CMSS1: variants seen among roughly 807,000 people sequenced by gnomAD.
The protein encoded by CMSS1 is protein CMSS1.
CMSS1 carries 33 observed loss-of-function variants against 43.5 expected under a neutral mutation model. The ratio of observed to expected loss-of-function variants is 0.76; its 90% CI spans 0.57 to 1.01. CMSS1 has a LOEUF of 1.01. Ranked by LOEUF, CMSS1 falls within the 50% of genes least tolerant of loss-of-function variation. The pLI is 0.00. For synonymous variants in CMSS1, 115 were observed against 117.2 expected, an observed-to-expected ratio of 0.98 and a Z score of 0.12; for missense variants, 313 against 326.4, an observed-to-expected ratio of 0.96 and a Z score of 0.32.
intron 1 of CMSS1, among the ~76,000 whole-genome samples, chr3:100,129,570 TA>T (rs2066690169): frequency 6.6e-6 from 1 of 152,214 alleles, no homozygotes; most frequent in Admixed American, 6.5e-5. Flanking sequence ...TACTGCTGAT[TA>T]AGTTTGGGCT....
chr3:100,030,277 G>A (rs550625303), intron 1 of CMSS1, among the ~76,000 whole-genome samples: 3 of 152,232 alleles, frequency 2.0e-5, no homozygotes, highest in African/African-American at 7.2e-5. Flanking sequence ...AGCTGGCTTG[G>A]ATGAGAAAGG....
intron 1 of CMSS1, among the ~76,000 whole-genome samples, chr3:99,970,293 A>T (rs1389253503): frequency 6.6e-6 from 1 of 152,246 alleles, no homozygotes; most frequent in Admixed American, 6.5e-5. Flanking sequence ...TAGAGGCTGC[A>T]ATCACTCTGA....
chr3:99,907,925 G>A lies in CMSS1; in HGVS notation c.64+89882G>A, dbSNP rs533415443. ...TGTGTGATCCAGTGCCTGGCACATG[G>A]AAGGAACTCAGTAAGCATTTTGAAA... On this transcript the variant is annotated intron_variant, in intron 1 of 9. Coordinates refer to ENST00000421999, the MANE Select transcript of CMSS1 (RefSeq NM_032359.4). Among the ~76,000 whole-genome samples, 16 of 152,312 alleles carry A rather than the reference G, an allele frequency of 1.1e-4. 1 individual carries two copies. The South Asian group carries it at 3.3e-3, about 32-fold the overall frequency.
chr3:99,913,649 G>A (rs926666574), intron 1 of CMSS1, among the ~76,000 whole-genome samples: 2 of 152,132 alleles, frequency 1.3e-5, no homozygotes, highest in Non-Finnish European at 2.9e-5. Flanking sequence ...ATATATGCTT[G>A]TAATAATCTT....
At chr3:100,094,343 A>G (rs2066163989) in intron 1 of CMSS1, among the ~76,000 whole-genome samples, 1 of 152,012 alleles carries the variant, frequency 6.6e-6, no homozygotes, top group South Asian at 2.1e-4. Context: ...CCTTTCTCAC[A>G]TATGTAGTTT....
At chr3:99,940,548 C>T (rs2107675706) in intron 1 of CMSS1, among the ~76,000 whole-genome samples, 1 of 152,328 alleles carries the variant, frequency 6.6e-6, no homozygotes, top group African/African-American at 2.4e-5. Context: ...ATGCCCTGAG[C>T]CAACACCAGA....
At chr3:99,920,853 CA>C (rs1707102995) in intron 1 of CMSS1, among the ~76,000 whole-genome samples, 1 of 152,226 alleles carries the variant, frequency 6.6e-6, no homozygotes, top group African/African-American at 2.4e-5. Context: ...TCTGAGGTCT[CA>C]TTAACTACCT....
chr3:99,882,719 G>T (rs1471667991), intron 1 of CMSS1, among the ~76,000 whole-genome samples: 1 of 152,102 alleles, frequency 6.6e-6, no homozygotes, highest in African/African-American at 2.4e-5. Flanking sequence ...TGAAAAAATG[G>T]CACAAACAGT....
chr3:99,917,386 C>T (rs1706986698), intron 1 of CMSS1, among the ~76,000 whole-genome samples: 2 of 152,198 alleles, frequency 1.3e-5, no homozygotes, highest in Non-Finnish European at 2.9e-5. Flanking sequence ...ACACCAGGCA[C>T]ATAGTTTGAG....
chr3:99,850,988 C>T (rs1363874010), intron 1 of CMSS1: 5 of 1,614,026 alleles, frequency 3.1e-6, no homozygotes, highest in Non-Finnish European at 4.2e-6. Flanking sequence ...GTCAGCTCCT[C>T]TTTCAGGGTG....
chr3:100,154,262 CAT>C (rs2107521545), intron 2 of CMSS1, among the ~76,000 whole-genome samples: 1 of 152,196 alleles, frequency 6.6e-6, no homozygotes, highest in South Asian at 2.1e-4. Flanking sequence ...TTAATTGACA[CAT>C]AATAATTCTA....
chr3:99,996,033 G>C (rs1215047654), intron 1 of CMSS1, among the ~76,000 whole-genome samples: 1 of 152,208 alleles, frequency 6.6e-6, no homozygotes, highest in Non-Finnish European at 1.5e-5. Context: ...CAGCTGGCTT[G>C]AATTCCGCCT....
chr3:99,983,066 A>G (rs1709175109), intron 1 of CMSS1, among the ~76,000 whole-genome samples: 2 of 152,164 alleles, frequency 1.3e-5, no homozygotes, highest in Admixed American at 1.3e-4. Flanking sequence ...GGAATAACAC[A>G]TGCAATGATG....
intron 1 of CMSS1, among the ~76,000 whole-genome samples, chr3:99,920,320 G>C (rs919016467): frequency 6.6e-6 from 1 of 152,062 alleles, no homozygotes; most frequent in African/African-American, 2.4e-5. Flanking sequence ...AAATATGCAA[G>C]CTTTTTTGAA....
At chr3:100,025,247 G>C (rs536340193) in intron 1 of CMSS1, among the ~76,000 whole-genome samples, 1 of 152,260 alleles carries the variant, frequency 6.6e-6, no homozygotes, top group South Asian at 2.1e-4. Context: ...ACTGTTTGTG[G>C]CTATTTTTGT....
chr3:100,163,538 T>C (rs1193122894), intron 4 of CMSS1, among the ~76,000 whole-genome samples: 1 of 152,128 alleles, frequency 6.6e-6, no homozygotes, highest in East Asian at 1.9e-4. Flanking sequence ...TTTAAAAATA[T>C]TTATTTATTT....
At chr3:100,167,970 T>A (rs2067078771) in intron 6 of CMSS1, 130 bp downstream of exon 6, 3 of 546,510 alleles carry the variant, frequency 5.5e-6, no homozygotes, top group Non-Finnish European at 9.7e-6. Flanking sequence ...GGAATTTATA[T>A]TTCAGTGGGG....
At chr3:100,053,066 G>T (rs1260151879) in intron 1 of CMSS1, among the ~76,000 whole-genome samples, 2 of 152,028 alleles carry the variant, frequency 1.3e-5, no homozygotes, top group Non-Finnish European at 2.9e-5. Context: ...CTGAAACAAG[G>T]GTGCTCCTTG....
At chr3:99,968,419 G>GT (rs1288354671) in intron 1 of CMSS1, among the ~76,000 whole-genome samples, 33 of 147,470 alleles carry the variant, frequency 2.2e-4, no homozygotes, top group South Asian at 6.4e-4. Context: ...GAAAAACTAT[G>GT]TTTTTGGGGG....
Sources: allele counts gnomAD v4.1 joint callset (sites outside exome capture counted in the v4.1 genomes callset), GRCh38; gene constraint gnomAD v4.1.1; transcripts MANE v1.5; gene names NCBI Gene and HGNC (gene_info 2026-07-23, HGNC 2026-07-21).